ZC3H11A: variants seen among roughly 807,000 people sequenced by gnomAD.
ZC3H11A encodes zinc finger CCCH domain-containing protein 11A.
ZC3H11A carries 22 observed loss-of-function variants against 90.8 expected under a neutral mutation model. The observed-to-expected ratio is 0.24, with a 90% CI of 0.17 to 0.35. The LOEUF (loss-of-function observed/expected upper bound fraction) is 0.35, where lower values mean the gene tolerates loss of function less well. ZC3H11A is among the 10% of genes least tolerant of loss of function. The pLI is 1.00. For missense variants in ZC3H11A, 701 were observed against 964.9 expected (o/e 0.73, Z 3.62); for synonymous variants, 294 against 339.8 (o/e 0.87, Z 1.48).
intron 15 of ZC3H11A, 76 bp downstream of exon 15, chr1:203,850,102 C>T: frequency 2.2e-6 from 3 of 1,337,084 alleles, no homozygotes; most frequent in Non-Finnish European, 3.1e-6. Context: ...CCAGTAACTT[C>T]CTGGCAACAA....
chr1:203,853,904 C>T lies in ZC3H11A; in HGVS notation c.*1505C>T, dbSNP rs1326774855. 2 of 152,624 alleles carry T rather than the reference C, an allele frequency of 1.3e-5. No homozygotes were observed. Among genetic ancestry groups the T allele is most frequent in the Admixed American group, 6.5e-5 (1 of 15,286 alleles). 9.5% of individuals were successfully genotyped at this position (152,624 alleles called of 1,614,324 possible). On this transcript the variant is annotated 3_prime_UTR_variant, in exon 18 of 18. Transcript: ENST00000367210. ...CAGAGGTAGAATGTTCAGGTTTCAC[C>T]ATGGATTTTCTACTTATTTCGTTTT...
At chr1:203,840,450 C>G (rs1468345196) in intron 12 of ZC3H11A, 76 bp downstream of exon 12, 2 of 1,420,004 alleles carry the variant, frequency 1.4e-6, no homozygotes, top group South Asian at 1.2e-5. Context: ...TCAGATTTAC[C>G]TGTTGCTTGC....
rs1031409399 is a variant in ZC3H11A at position 203,850,389 on chromosome 1, C to G, written c.1940-126C>G. On this transcript the variant is annotated intron_variant, in intron 15 of 17. Coordinates refer to ENST00000367210, the MANE Select transcript of ZC3H11A (RefSeq NM_001376342.1). Reference sequence around the variant, plus strand: ...AAATTGCCTTTGAATCGTTTTCAGTCTCTTTTTAAATGAATTATTTGTGGT... The same window carrying G: ...AAATTGCCTTTGAATCGTTTTCAGTGTCTTTTTAAATGAATTATTTGTGGT... 1.3e-5 allele frequency: 19 copies of G among 1,422,440 alleles called. No individual in the cohort carries two copies. In the African/African-American group the frequency reaches 2.3e-4, roughly 17 times the overall value. 88.1% of individuals were successfully genotyped at this position (1,422,440 alleles called of 1,614,324 possible).
intron 5 of ZC3H11A, 88 bp from the exon 6 acceptor site, chr1:203,829,363 A>G (rs1681537705): frequency 3.1e-6 from 4 of 1,305,068 alleles, no homozygotes; most frequent in Non-Finnish European, 4.4e-6. Context: ...AGACAAATAC[A>G]CTATAGTTTT....
At chr1:203,820,206 G>A (rs1350921245) in intron 4 of ZC3H11A, among the ~76,000 whole-genome samples, 1 of 150,842 alleles carries the variant, frequency 6.6e-6, no homozygotes, top group African/African-American at 2.4e-5. Flanking sequence ...CTCCATTCTG[G>A]CCTGGGTGAC....
intron 4 of ZC3H11A, among the ~76,000 whole-genome samples, chr1:203,820,155 A>T (rs967416915): frequency 6.6e-6 from 1 of 151,640 alleles, no homozygotes; most frequent in Non-Finnish European, 1.5e-5. Flanking sequence ...GAATCGCTTG[A>T]ACCTGGGAGG....
At chr1:203,851,025 C>G (rs1689121918) in intron 16 of ZC3H11A, 32 bp from the exon 17 acceptor site, 1 of 1,610,486 alleles carries the variant, frequency 6.2e-7, no homozygotes. Flanking sequence ...AAGCCTGACT[C>G]TCACTGAATT....
chr1:203,796,464 G>T (rs1264242922), intron 1 of ZC3H11A: 1 of 398,904 alleles, frequency 2.5e-6, no homozygotes, highest in African/African-American at 2.1e-5. Context: ...TGGTGAAACC[G>T]TAATGAAGAA....
intron 14 of ZC3H11A, among the ~76,000 whole-genome samples, chr1:203,849,491 C>G (rs1688757451): frequency 6.6e-6 from 1 of 152,166 alleles, no homozygotes; most frequent in Non-Finnish European, 1.5e-5. Context: ...TCATGGTTGT[C>G]TAGCCTGTGG....
chr1:203,849,147 C>T (rs976077785), intron 14 of ZC3H11A, among the ~76,000 whole-genome samples: 2 of 152,152 alleles, frequency 1.3e-5, no homozygotes, highest in Admixed American at 1.3e-4. Context: ...GGCCTCCCAA[C>T]GTGTTGGGAT....
At chr1:203,839,141 G>A (rs1203442086) in intron 11 of ZC3H11A, among the ~76,000 whole-genome samples, 1 of 152,148 alleles carries the variant, frequency 6.6e-6, no homozygotes, top group Non-Finnish European at 1.5e-5. Context: ...TAGTGGCATA[G>A]ATTTGGTATT....
intron 4 of ZC3H11A, among the ~76,000 whole-genome samples, chr1:203,819,682 G>A (rs1677824039): frequency 6.6e-6 from 1 of 150,658 alleles, no homozygotes; most frequent in Non-Finnish European, 1.5e-5. Flanking sequence ...TTACAGGCAT[G>A]CACTACCATG....
At chr1:203,830,011 A>G (rs1027111746) in intron 7 of ZC3H11A, 112 bp from the exon 8 acceptor site, 310 of 1,299,236 alleles carry the variant, frequency 2.4e-4, no homozygotes, top group Non-Finnish European at 1.6e-4. Flanking sequence ...ATACTTACCT[A>G]TACTTAGTTT....
At chr1:203,851,292 G>A (rs1001122859) in intron 17 of ZC3H11A, among the ~76,000 whole-genome samples, 168 bp downstream of exon 17, 1 of 152,128 alleles carries the variant, frequency 6.6e-6, no homozygotes, top group Non-Finnish European at 1.5e-5. Context: ...CTTCTTTGGT[G>A]CCATTGTTTA....
intron 10 of ZC3H11A, chr1:203,834,183 G>A: frequency 1.6e-6 from 1 of 621,642 alleles, no homozygotes; most frequent in Non-Finnish European, 2.0e-6. Flanking sequence ...AATATAATGT[G>A]TGTCTCTTAG....
At chr1:203,834,622 A>C (rs1231328933) in intron 10 of ZC3H11A, among the ~76,000 whole-genome samples, 2 of 152,200 alleles carry the variant, frequency 1.3e-5, no homozygotes, top group Non-Finnish European at 2.9e-5. Context: ...ATTGTTGTAT[A>C]ACTACCCTAA....
Position 203,852,491 on chromosome 1 carries a change from TTAGTC to T in ZC3H11A, c.*96_*100del, listed in dbSNP as rs1689531130. 1.4e-6 allele frequency: 2 copies of T among 1,430,208 alleles called. No individual in the cohort carries two copies. Among genetic ancestry groups the T allele is most frequent in the Admixed American group, 4.6e-5 (2 of 43,852 alleles). 88.6% of individuals were successfully genotyped at this position (1,430,208 alleles called of 1,614,324 possible). A position where few individuals can be genotyped will look rare whatever the true frequency, so the allele number is the denominator to read the frequency against. On this transcript the variant is annotated 3_prime_UTR_variant, in exon 18 of 18. Coordinates refer to ENST00000367210, the MANE Select transcript of ZC3H11A (RefSeq NM_001376342.1). ...ACATTTACCTGAGATGATCATTTCT[TTAGTC>T]TAGAATTTGCCCCAAATCAGAAGTA...
rs1406816965 is a variant in ZC3H11A at position 203,795,755 on chromosome 1, G to T, written c.-1627G>T. 6.6e-6 allele frequency: 1 copy of T among 152,182 alleles called. No individual in the cohort carries two copies. The highest frequency in any genetic ancestry group is 1.5e-5 in the Non-Finnish European group (1 of 68,044). The allele number at this position is 152,182 out of a possible 1,614,324, so 9.4% of individuals were successfully genotyped here. A position where few individuals can be genotyped will look rare whatever the true frequency, so the allele number is the denominator to read the frequency against. On this transcript the variant is annotated 5_prime_UTR_variant, in exon 1 of 18. Coordinates refer to ENST00000367210, the MANE Select transcript of ZC3H11A (RefSeq NM_001376342.1). ...AAAGACGTGGCAGCAAGCGGGAGTC[G>T]GGGATAGTGTCATCGGTTCGGTAAA...
At chr1:203,831,810 C>T in intron 9 of ZC3H11A, 39 bp downstream of exon 9, 2 of 1,513,752 alleles carry the variant, frequency 1.3e-6, no homozygotes, top group African/African-American at 1.4e-5. Context: ...CAAGCCTCTA[C>T]TTTTATATAA....
Sources: gnomAD v4.1 joint callset for allele counts (sites outside exome capture counted in the v4.1 genomes callset) on GRCh38, gnomAD v4.1.1 for gene constraint, MANE v1.5 for transcripts, NCBI Gene and HGNC (gene_info 2026-07-23, HGNC 2026-07-21) for gene names.